ZNF423: variants seen among roughly 807,000 people sequenced by gnomAD.
ZNF423 encodes the protein zinc finger protein 423, also known as Ebf-associated zinc finger protein.
ZNF423 carries 12 observed loss-of-function variants against 95.8 expected under a neutral mutation model. The ratio of observed to expected loss-of-function variants is 0.13; its 90% CI spans 0.08 to 0.20. The LOEUF is 0.20. ZNF423 is among the 10% of genes least tolerant of loss of function. The probability of loss-of-function intolerance (pLI) is 1.00; values close to 1 mark genes in which losing one functional copy is unlikely to be tolerated. For synonymous variants in ZNF423, 749 were observed against 711.9 expected (o/e 1.05, Z -0.83); for missense variants, 1,316 against 1,737.1 (o/e 0.76, Z 4.31).
chr16:49,505,744 G>C (rs188106823), intron 7 of ZNF423, among the ~76,000 whole-genome samples: 2 of 152,214 alleles, frequency 1.3e-5, no homozygotes, highest in African/African-American at 4.8e-5. Context: ...GGGTGATCCC[G>C]TCACCCAGAA....
intron 3 of ZNF423, among the ~76,000 whole-genome samples, chr16:49,656,078 A>T (rs866311827): frequency 7.0e-6 from 1 of 143,594 alleles, no homozygotes; most frequent in South Asian, 2.1e-4. Flanking sequence ...CCTCCATCCC[A>T]TCTACACTGC....
chr16:49,679,202 G>A (rs1366652117), intron 3 of ZNF423, among the ~76,000 whole-genome samples: 1 of 152,258 alleles, frequency 6.6e-6, no homozygotes, highest in Non-Finnish European at 1.5e-5. Flanking sequence ...AATGGCAGCA[G>A]CACCCAGTCT....
intron 5 of ZNF423, among the ~76,000 whole-genome samples, chr16:49,526,022 G>A (rs1449750735): frequency 6.6e-6 from 1 of 152,212 alleles, no homozygotes; most frequent in African/African-American, 2.4e-5. Flanking sequence ...AGTGTCAGGA[G>A]GTGATGTGAA....
At chr16:49,549,537 G>C (rs1969560595) in intron 5 of ZNF423, among the ~76,000 whole-genome samples, 1 of 152,202 alleles carries the variant, frequency 6.6e-6, no homozygotes. Flanking sequence ...TCCAGAGGTT[G>C]GCTGACCGAG....
intron 2 of ZNF423, among the ~76,000 whole-genome samples, chr16:49,755,605 A>T (rs2143601462): frequency 1.3e-5 from 2 of 152,288 alleles, no homozygotes; most frequent in East Asian, 1.9e-4. Context: ...ATTTATTTAC[A>T]CGCTGTTCTG....
At chr16:49,551,644 T>C (rs1279178222) in intron 5 of ZNF423, among the ~76,000 whole-genome samples, 3 of 152,032 alleles carry the variant, frequency 2.0e-5, no homozygotes, top group Non-Finnish European at 2.9e-5. Flanking sequence ...GCAGGGTGCA[T>C]GGAAGCTGGG....
At chr16:49,727,871 C>T (rs1032430368) in intron 3 of ZNF423, among the ~76,000 whole-genome samples, 7 of 152,232 alleles carry the variant, frequency 4.6e-5, no homozygotes, top group South Asian at 2.1e-4. Flanking sequence ...GGGCTTCTAT[C>T]GAGTGACCAG....
At position 49,799,145 on chromosome 16, in the gene ZNF423, C is replaced by G. The variant is rs545011557; in HGVS notation, c.41-9599G>C. ...GCCATCAGATCTCAGGCCAGAGACT[C>G]GATCCACCCTGATCTTCTGTCTCTG... is the stretch of plus-strand genomic sequence containing the variant. On this transcript the variant is annotated intron_variant, in intron 1 of 7. Coordinates refer to ENST00000563137, the MANE Select transcript of ZNF423 (RefSeq NM_001379286.1). Among the ~76,000 whole-genome samples, 11 of 152,148 alleles carry G rather than the reference C, an allele frequency of 7.2e-5. No individual in the cohort carries two copies. The South Asian group carries it at 2.3e-3, about 32-fold the overall frequency.
At chr16:49,671,294 T>C (rs2030797229) in intron 3 of ZNF423, among the ~76,000 whole-genome samples, 1 of 152,150 alleles carries the variant, frequency 6.6e-6, no homozygotes, top group Admixed American at 6.5e-5. Context: ...TCCCCTCTGA[T>C]CTTGTTCTTG....
chr16:49,741,061 C>T (rs997628187), intron 2 of ZNF423, among the ~76,000 whole-genome samples: 14 of 152,180 alleles, frequency 9.2e-5, no homozygotes, highest in Non-Finnish European at 1.6e-4. Context: ...AAGCTCTCAA[C>T]TCCAATTCCC....
chr16:49,858,548 G>A (rs185933239), upstream of ZNF423, among the ~76,000 whole-genome samples: 10 of 152,284 alleles, frequency 6.6e-5, no homozygotes, highest in African/African-American at 2.4e-4. This position sits in a 1 kb window ranked among gnomAD's most constrained non-coding sequence, Gnocchi z 4.3. Flanking sequence ...CAGCGGGCGA[G>A]CGAGGCTCCC....
At chr16:49,609,111 G>A (rs897450974) in intron 5 of ZNF423, among the ~76,000 whole-genome samples, 31 of 152,120 alleles carry the variant, frequency 2.0e-4, no homozygotes, top group Admixed American at 1.2e-3. Flanking sequence ...GAGCAGAAAT[G>A]ATGCATTCCT....
At chr16:49,536,779 T>C (rs541232284) in intron 5 of ZNF423, among the ~76,000 whole-genome samples, 1 of 152,284 alleles carries the variant, frequency 6.6e-6, no homozygotes, top group Admixed American at 6.5e-5. Context: ...TCAGTTGCAA[T>C]AGCTAATGTG....
intron 2 of ZNF423, among the ~76,000 whole-genome samples, chr16:49,757,555 T>C (rs1427400150): frequency 1.3e-5 from 2 of 152,180 alleles, no homozygotes; most frequent in East Asian, 1.9e-4. Flanking sequence ...CCCTCTCCCA[T>C]AGAACTCACC....
chr16:49,531,567 G>C (rs1299799288), intron 5 of ZNF423, among the ~76,000 whole-genome samples: 1 of 152,122 alleles, frequency 6.6e-6, no homozygotes, highest in Non-Finnish European at 1.5e-5. Flanking sequence ...AAGACCCCCA[G>C]GCAGAAAGAG....
intron 3 of ZNF423, among the ~76,000 whole-genome samples, chr16:49,676,271 TACAC>T (rs1358082819): frequency 6.6e-6 from 1 of 152,146 alleles, no homozygotes; most frequent in African/African-American, 2.4e-5. Context: ...CTAACTGAGA[TACAC>T]ACACACGCAC....
At chr16:49,769,501 G>A (rs987464014) in intron 2 of ZNF423, among the ~76,000 whole-genome samples, 3 of 151,920 alleles carry the variant, frequency 2.0e-5, no homozygotes, top group Non-Finnish European at 2.9e-5. Flanking sequence ...GGTCAGCCCC[G>A]ACCATCTCTT....
intron 5 of ZNF423, among the ~76,000 whole-genome samples, chr16:49,562,199 G>T (rs562884771): frequency 1.3e-5 from 2 of 152,324 alleles, no homozygotes; most frequent in East Asian, 3.9e-4. Flanking sequence ...AGTTGAGAAG[G>T]GAGAAGCAGA....
At chr16:49,634,335 C>T (rs1412602938) in intron 4 of ZNF423, among the ~76,000 whole-genome samples, 1 of 152,054 alleles carries the variant, frequency 6.6e-6, no homozygotes, top group African/African-American at 2.4e-5. Context: ...TAGGTGTCAG[C>T]CACAGCACCC....
Sources: allele counts gnomAD v4.1 joint callset (sites outside exome capture counted in the v4.1 genomes callset), GRCh38; gene constraint gnomAD v4.1.1; non-coding constraint Gnocchi (gnomAD v3.1); transcripts MANE v1.5; gene names NCBI Gene and HGNC (gene_info 2026-07-23, HGNC 2026-07-21).